ANK3: variants seen among roughly 807,000 people sequenced by gnomAD.
ANK3 encodes ankyrin-3.
A neutral mutation model predicts 370.9 loss-of-function variants in ANK3; 57 were observed. The observed-to-expected ratio is 0.15, with a 90% confidence interval of 0.12 to 0.19. The LOEUF (loss-of-function observed/expected upper bound fraction) is 0.19, where lower values mean the gene tolerates loss of function less well. Ranked by LOEUF, ANK3 falls within the 10% of genes least tolerant of loss-of-function variation. ANK3 has a pLI of 1.00. For missense variants in ANK3, 4,439 were observed against 5,302.1 expected (o/e 0.84, Z 5.06); for synonymous variants, 1,929 against 1,946.3 (o/e 0.99, Z 0.23).
intron 38 of ANK3, among the ~76,000 whole-genome samples, chr10:60,065,687 A>C (rs2081501472): frequency 6.6e-6 from 1 of 152,228 alleles, no homozygotes; most frequent in Non-Finnish European, 1.5e-5. Context: ...TTAGAAATAC[A>C]TTATATATCA....
chr10:60,492,743 A>G (rs1294974615), intron 2 of ANK3, among the ~76,000 whole-genome samples: 3 of 149,106 alleles, frequency 2.0e-5, no homozygotes, highest in African/African-American at 7.4e-5. Flanking sequence ...GAAAGAAAAA[A>G]AAAAGAAATG....
chr10:60,506,377 T>C (rs2075941687), intron 2 of ANK3, among the ~76,000 whole-genome samples: 2 of 152,094 alleles, frequency 1.3e-5, no homozygotes, highest in African/African-American at 4.8e-5. Context: ...AATAACAACT[T>C]TGGCTATTTC....
intron 1 of ANK3, among the ~76,000 whole-genome samples, chr10:60,335,231 C>T (rs778351249): frequency 4.0e-5 from 6 of 151,812 alleles, no homozygotes; most frequent in Admixed American, 6.6e-5. Context: ...GTAAGGGAAG[C>T]GAGGGTTACT....
chr10:60,481,283 C>T (rs1282298793), intron 2 of ANK3, among the ~76,000 whole-genome samples: 1 of 152,060 alleles, frequency 6.6e-6, no homozygotes, highest in Non-Finnish European at 1.5e-5. Flanking sequence ...TTTGGAAATC[C>T]TACTGAACGA....
rs1397641902 is a variant in ANK3, at chr10:60,073,704, C to G, written c.7177G>C (p.Glu2393Gln). ...TCTTCAGCAGTAAGTTCTTCTTCTT[C>G]TTGCTGACCCTGTTCCTCTGAACAA... ...FPCSEEQGQQEEEELTAEESL... is the reference protein window; with the variant it reads ...FPCSEEQGQQQEEELTAEESL... Residue 2393 changes from glutamate to glutamine, a missense_variant, in exon 37 of 44, where the codon GAA becomes CAA. Physicochemically the swap from Glu to Gln is conservative, Grantham distance 29. Around this residue, in one of 13 missense-constraint regions of ANK3, gnomAD observed 1,601 missense variants for 1,731.7 expected, o/e 0.92. Coordinates refer to ENST00000280772, the MANE Select transcript of ANK3 (RefSeq NM_020987.5). The G allele has an allele frequency of 6.2e-7, 1 of 1,614,012 alleles. No individual in the cohort carries two copies. The highest frequency in any genetic ancestry group is 8.5e-7 in the Non-Finnish European group (1 of 1,179,998).
intron 2 of ANK3, among the ~76,000 whole-genome samples, chr10:60,409,146 C>A (rs1424471053): frequency 6.6e-6 from 1 of 152,142 alleles, no homozygotes; most frequent in Non-Finnish European, 1.5e-5. Context: ...AGGGTTACAG[C>A]TGATTTCTCC....
Position 60,056,051 on chromosome 10 carries a change from T to G in ANK3, c.12687-15A>C. Reference sequence around the variant, plus strand: ...ACTGGTCAGGGCTGCAACAGAAAATTTGCAAATTCACAATGGCAAACTATG... The same window carrying G: ...ACTGGTCAGGGCTGCAACAGAAAATGTGCAAATTCACAATGGCAAACTATG... On this transcript the variant is annotated splice_polypyrimidine_tract_variant and intron_variant, in intron 41 of 43. Transcript: ENST00000280772. The G allele has an allele frequency of 6.3e-7, 1 of 1,582,206 alleles. No individual in the cohort carries two copies. Among genetic ancestry groups the G allele is most frequent in the Non-Finnish European group, 8.6e-7 (1 of 1,168,886 alleles).
chr10:60,658,478 C>A, intron 1 of ANK3, among the ~76,000 whole-genome samples: 1 of 152,054 alleles, frequency 6.6e-6, no homozygotes, highest in African/African-American at 2.4e-5. Context: ...TGACCTCCCC[C>A]CACACACATC....
chr10:60,579,182 G>A (rs867207982), intron 2 of ANK3, among the ~76,000 whole-genome samples: 1 of 151,762 alleles, frequency 6.6e-6, no homozygotes, highest in Non-Finnish European at 1.5e-5. Context: ...AAAATTTGCT[G>A]GAAGTGGTGG....
chr10:60,674,551 A>C (rs1313416566), intron 1 of ANK3, among the ~76,000 whole-genome samples: 1 of 152,208 alleles, frequency 6.6e-6, no homozygotes, highest in African/African-American at 2.4e-5. Context: ...ATCTGCCTGC[A>C]TGACCCAAGT....
intron 7 of ANK3, among the ~76,000 whole-genome samples, chr10:60,250,450 T>C (rs190099673): frequency 0.022 from 3,343 of 152,276 alleles, 108 homozygotes; most frequent in African/African-American, 0.068. Context: ...CTGCAAGCTC[T>C]GCCTCCCAGG....
At chr10:60,246,963 C>T (rs1042744095) in intron 7 of ANK3, among the ~76,000 whole-genome samples, 1 of 152,124 alleles carries the variant, frequency 6.6e-6, no homozygotes, top group Admixed American at 6.6e-5. Flanking sequence ...AATTCTCTTC[C>T]ACCTTTGCAT....
chr10:60,300,535 AGAGTACAGAATCC>A (rs1012014638), intron 1 of ANK3: 1 of 1,214,508 alleles, frequency 8.2e-7, no homozygotes, highest in African/African-American at 1.6e-5. Flanking sequence ...GGGGCAGACA[AGAGTACAGAATCC>A]GCCTGGGCCC....
chr10:60,361,326 G>A (rs1472131532), intron 1 of ANK3, among the ~76,000 whole-genome samples: 2 of 152,110 alleles, frequency 1.3e-5, no homozygotes, highest in South Asian at 2.1e-4. Flanking sequence ...AACTGCTCTC[G>A]GGAGTTTTCA....
intron 23 of ANK3, among the ~76,000 whole-genome samples, chr10:60,141,957 A>T (rs2094589103): frequency 6.6e-6 from 1 of 152,204 alleles, no homozygotes; most frequent in African/African-American, 2.4e-5. Flanking sequence ...GCAGAGAATA[A>T]TTTCCAACTC....
At chr10:60,568,491 T>G (rs960407226) in intron 2 of ANK3, among the ~76,000 whole-genome samples, 1 of 152,254 alleles carries the variant, frequency 6.6e-6, no homozygotes, top group African/African-American at 2.4e-5. Context: ...GTGCATGACT[T>G]GCTTAGTTGT....
intron 2 of ANK3, among the ~76,000 whole-genome samples, chr10:60,505,741 C>A (rs1244110303): frequency 6.6e-6 from 1 of 152,054 alleles, no homozygotes; most frequent in East Asian, 1.9e-4. Context: ...CTTTTGGACC[C>A]CATAAATTTC....
At chr10:60,512,322 A>C (rs918755293) in intron 2 of ANK3, among the ~76,000 whole-genome samples, 1 of 152,136 alleles carries the variant, frequency 6.6e-6, no homozygotes, top group Non-Finnish European at 1.5e-5. Context: ...CCTGCATCAA[A>C]CAATGCAAAT....
intron 4 of ANK3, among the ~76,000 whole-genome samples, chr10:60,275,729 C>T (rs938115802): frequency 6.6e-6 from 1 of 152,094 alleles, no homozygotes; most frequent in Non-Finnish European, 1.5e-5. Context: ...CCTAAAGGGT[C>T]TTACCTTTGC....
Sources: gnomAD v4.1 joint callset for allele counts (sites outside exome capture counted in the v4.1 genomes callset) on GRCh38, gnomAD v4.1.1 for gene constraint, gnomAD v4.1.1 regional missense constraint, MANE v1.5 for transcripts, NCBI Gene and HGNC (gene_info 2026-07-23, HGNC 2026-07-21) for gene names.